ALK: variants seen among roughly 807,000 people sequenced by gnomAD.
ALK encodes ALK receptor tyrosine kinase.
A neutral mutation model predicts 163.1 loss-of-function variants in ALK; 74 were observed. The observed-to-expected ratio is 0.45, with a 90% CI of 0.38 to 0.55. ALK has a LOEUF of 0.55. Among genes scored for constraint, ALK ranks in the 20% least tolerant of loss-of-function variants. The pLI is 0.00. For missense variants in ALK, 2,063 were observed against 2,105.3 expected, an observed-to-expected ratio of 0.98 and a Z score of 0.39; for synonymous variants, 960 against 843.2, an observed-to-expected ratio of 1.14 and a Z score of -2.40.
chr2:29,716,953 G>T (rs1679273624), intron 2 of ALK, among the ~76,000 whole-genome samples: 1 of 136,148 alleles, frequency 7.3e-6, no homozygotes. Context: ...GACCATCCTG[G>T]CTAACACAGT....
chr2:29,534,731 G>A (rs1673207772), intron 3 of ALK, among the ~76,000 whole-genome samples: 1 of 152,222 alleles, frequency 6.6e-6, no homozygotes, highest in Non-Finnish European at 1.5e-5. Flanking sequence ...AAGGTGTTGA[G>A]GTATTGGACT....
chr2:29,427,445 T>G (rs1039354307), intron 4 of ALK, among the ~76,000 whole-genome samples: 2 of 152,112 alleles, frequency 1.3e-5, no homozygotes, highest in Non-Finnish European at 2.9e-5. Context: ...GAGCAATGTT[T>G]CTGTATCTCA....
At chr2:29,727,653 A>G (rs916453597) in intron 1 of ALK, among the ~76,000 whole-genome samples, 1 of 152,098 alleles carries the variant, frequency 6.6e-6, no homozygotes, top group African/African-American at 2.4e-5. Flanking sequence ...TGCTTTTACT[A>G]AGGGGTATTG....
At chr2:29,676,954 A>G (rs1677891479) in intron 3 of ALK, among the ~76,000 whole-genome samples, 1 of 152,008 alleles carries the variant, frequency 6.6e-6, no homozygotes, top group Non-Finnish European at 1.5e-5. Flanking sequence ...ATAGAAATAC[A>G]GTTAGTTTTT....
chr2:29,357,719 T>A (rs1368048859), intron 5 of ALK, among the ~76,000 whole-genome samples: 1 of 152,182 alleles, frequency 6.6e-6, no homozygotes. Context: ...TAGCATCTCT[T>A]TCATGTCAAT....
intron 5 of ALK, among the ~76,000 whole-genome samples, chr2:29,369,965 A>C (rs943630025): frequency 1.3e-5 from 2 of 152,366 alleles, no homozygotes; most frequent in East Asian, 3.9e-4. Context: ...ATGGACAAGA[A>C]GACAGCCCTC....
chr2:29,216,933 G>GGGGGATGTGTGT (rs147678836), intron 23 of ALK, among the ~76,000 whole-genome samples: 1 of 140,918 alleles, frequency 7.1e-6, no homozygotes. Flanking sequence ...GGTGTGTGGG[G>GGGGGATGTGTGT]GGTGTGTGTG....
rs116245606 is a variant in ALK, at chr2:29,594,350, T to G, written c.953-62234A>C. On this transcript the variant is annotated intron_variant, in intron 3 of 28. Transcript: ENST00000389048. ...CAACTCCACATTCGGTAAAATCACG[T>G]CAGTAGCTTAAAGTGGCCATGGTGG... Among the ~76,000 whole-genome samples the G allele has an allele frequency of 9.3e-3, 1,405 of 151,858 alleles. 16 individuals are homozygous for G. The highest frequency in any genetic ancestry group is 0.014 in the Non-Finnish European group (941 of 67,960).
At chr2:29,196,670 G>A (rs2148141421) in intron 28 of ALK, 100 bp downstream of exon 28, 1 of 879,572 alleles carries the variant, frequency 1.1e-6, no homozygotes. Flanking sequence ...CATAAATCTT[G>A]TACTCTGACT....
At chr2:29,909,992 A>C (rs1183221062) in intron 1 of ALK, among the ~76,000 whole-genome samples, 3 of 151,982 alleles carry the variant, frequency 2.0e-5, no homozygotes, top group Admixed American at 2.0e-4. Context: ...AAAAAAAAAA[A>C]AAAACAACTG....
At chr2:29,485,239 C>G (rs887299763) in intron 4 of ALK, among the ~76,000 whole-genome samples, 1 of 152,190 alleles carries the variant, frequency 6.6e-6, no homozygotes, top group Non-Finnish European at 1.5e-5. Flanking sequence ...CTGCTGCATT[C>G]TGAGTAACCA....
intron 4 of ALK, among the ~76,000 whole-genome samples, chr2:29,442,669 G>T (rs1038012871): frequency 1.3e-5 from 2 of 152,086 alleles, no homozygotes; most frequent in African/African-American, 4.8e-5. Context: ...GAGAGTAAAA[G>T]CACACCTAGA....
At chr2:29,265,288 G>A (rs1665192668) in intron 11 of ALK, among the ~76,000 whole-genome samples, 1 of 152,146 alleles carries the variant, frequency 6.6e-6, no homozygotes, top group African/African-American at 2.4e-5. Flanking sequence ...AAAGTGCTGG[G>A]ATTACAGGCA....
intron 9 of ALK, among the ~76,000 whole-genome samples, chr2:29,292,118 A>G (rs1666041654): frequency 6.6e-6 from 1 of 152,244 alleles, no homozygotes; most frequent in African/African-American, 2.4e-5. Flanking sequence ...TCCAGAAGGA[A>G]CAATTTTTCT....
chr2:29,586,142 T>C (rs1178899534), intron 3 of ALK, among the ~76,000 whole-genome samples: 1 of 152,190 alleles, frequency 6.6e-6, no homozygotes, highest in Non-Finnish European at 1.5e-5. Flanking sequence ...ATACCAGCAA[T>C]TGCAATCATT....
intron 1 of ALK, among the ~76,000 whole-genome samples, chr2:29,832,399 G>C (rs1224104982): frequency 6.6e-6 from 1 of 151,738 alleles, no homozygotes; most frequent in Admixed American, 6.6e-5. Flanking sequence ...AAGAGGAAGG[G>C]GTAGATCTTT....
At chr2:29,792,935 T>C (rs1016832452) in intron 1 of ALK, among the ~76,000 whole-genome samples, 11 of 152,188 alleles carry the variant, frequency 7.2e-5, no homozygotes, top group African/African-American at 2.7e-4. Flanking sequence ...CTGTGGCAAT[T>C]GCTTAAAATA....
rs1191093718 is a variant in ALK, at chr2:29,283,375, A to AGGGATGTCC, written c.1818-7880_1818-7879insGGACATCCC. 2.8e-3 allele frequency among the ~76,000 whole-genome samples: 430 copies of AGGGATGTCC among 152,254 alleles called. 2 individuals are homozygous for AGGGATGTCC. Among genetic ancestry groups the AGGGATGTCC allele is most frequent in the Non-Finnish European group, 5.1e-3 (344 of 68,006 alleles). ...CTGGAGCTAGAAAGGCCCGCCATCC[A>AGGGATGTCC]TTCTTCTTGGAGGGACAGGGATGTC... is the stretch of plus-strand genomic sequence containing the variant. On this transcript the variant is annotated intron_variant, in intron 9 of 28. Coordinates refer to ENST00000389048, the MANE Select transcript of ALK (RefSeq NM_004304.5).
chr2:29,811,237 C>T (rs530518141), intron 1 of ALK, among the ~76,000 whole-genome samples: 2 of 14,788 alleles, frequency 1.4e-4, no homozygotes, highest in Admixed American at 4.6e-4. Context: ...TTCTGACTCC[C>T]CCCCTTTGAA....
Sources: allele counts gnomAD v4.1 joint callset (sites outside exome capture counted in the v4.1 genomes callset), GRCh38; gene constraint gnomAD v4.1.1; transcripts MANE v1.5; gene names NCBI Gene and HGNC (gene_info 2026-07-23, HGNC 2026-07-21).